RNF217: variants seen among roughly 807,000 people sequenced by gnomAD.
RNF217 encodes the protein ring finger protein 217.
Under a neutral mutation model 57.8 loss-of-function variants are expected in RNF217, and 31 were observed. That is an observed-to-expected ratio of 0.54 (90% CI 0.40 to 0.72). The LOEUF (loss-of-function observed/expected upper bound fraction) is 0.72. Among genes scored for constraint, RNF217 ranks in the 30% least tolerant of loss-of-function variants. The probability of loss-of-function intolerance (pLI) is 0.00; values close to 1 mark genes in which losing one functional copy is unlikely to be tolerated. For synonymous variants in RNF217, 313 were observed against 294.0 expected (o/e 1.06, Z -0.66); for missense variants, 696 against 708.3 (o/e 0.98, Z 0.20).
In RNF217 at chr6:124,995,838, T is replaced by C. The variant is rs551422413; in HGVS notation, c.882+32412T>C. Among the ~76,000 whole-genome samples, 7 of 152,196 alleles carry C rather than the reference T, an allele frequency of 4.6e-5. No individual in the cohort carries two copies. In the East Asian group the frequency reaches 1.4e-3, roughly 29 times the overall value. On this transcript the variant is annotated intron_variant, in intron 1 of 5. Coordinates refer to ENST00000521654, the MANE Select transcript of RNF217 (RefSeq NM_001286398.3). ...TCGGGAAGCTGAGCTAGGAGAATCA[T>C]GTGAACCCAGGAGGTGGAGGTTGCA...
chr6:125,012,724 G>T (rs932007020), intron 1 of RNF217, among the ~76,000 whole-genome samples: 6 of 152,128 alleles, frequency 3.9e-5, no homozygotes, highest in Non-Finnish European at 8.8e-5. Flanking sequence ...CTTTTGTAAT[G>T]TGCAAGTGTC....
chr6:125,011,598 C>A (rs1422557882), intron 1 of RNF217, among the ~76,000 whole-genome samples: 1 of 152,124 alleles, frequency 6.6e-6, no homozygotes, highest in Non-Finnish European at 1.5e-5. Context: ...TGTCTGAAAG[C>A]ATCTACTGAC....
At chr6:125,075,899 C>G (rs495860) in intron 3 of RNF217, among the ~76,000 whole-genome samples, 6,665 of 152,018 alleles carry the variant, frequency 0.044, 488 homozygotes, top group African/African-American at 0.15. Flanking sequence ...GACTACCACA[C>G]TGTATGTTAT....
Position 125,082,591 on chromosome 6 carries a change from G to A in RNF217, c.1556-273G>A, listed in dbSNP as rs374488228. 6 of 1,589,416 alleles carry A rather than the reference G, an allele frequency of 3.8e-6. No individual in the cohort carries two copies. The African/African-American group carries it at 6.8e-5, about 18-fold the overall frequency. The stretch of plus-strand genomic sequence containing the variant: ...GAGTATCATAGTGTGCAAATGATAT[G>A]ACTGTGGACAATAAAGAAGATTTAA... On this transcript the variant is annotated intron_variant, in intron 5 of 5. Coordinates refer to ENST00000521654, the MANE Select transcript of RNF217 (RefSeq NM_001286398.3).
chr6:124,976,461 G>A (rs933903568), intron 1 of RNF217, among the ~76,000 whole-genome samples: 1 of 151,684 alleles, frequency 6.6e-6, no homozygotes, highest in Non-Finnish European at 1.5e-5. Flanking sequence ...GTAGAGATGG[G>A]GTTTCACTAT....
At chr6:125,076,566 A>T in intron 3 of RNF217, 91 bp from the exon 4 acceptor site, 1 of 764,426 alleles carries the variant, frequency 1.3e-6, no homozygotes, top group Non-Finnish European at 2.3e-6. Flanking sequence ...TTTTGGTGAA[A>T]CTGGTAAGTG....
intron 1 of RNF217, among the ~76,000 whole-genome samples, chr6:125,011,053 C>T (rs1488058980): frequency 6.6e-6 from 1 of 152,012 alleles, no homozygotes. Context: ...GGAAAGCAAT[C>T]GTTTTGAAGG....
intron 1 of RNF217, among the ~76,000 whole-genome samples, chr6:124,984,797 C>G (rs2115025036): frequency 6.6e-6 from 1 of 152,138 alleles, no homozygotes; most frequent in African/African-American, 2.4e-5. Flanking sequence ...AGAAATACAA[C>G]TCTGAAAGGA....
At chr6:125,009,437 G>A in intron 1 of RNF217, 2 of 514,646 alleles carry the variant, frequency 3.9e-6, no homozygotes, top group Non-Finnish European at 7.0e-6. Context: ...TCTTTCAGAT[G>A]GTGCCATCTC....
chr6:125,038,969 C>G (rs555641972), intron 1 of RNF217, among the ~76,000 whole-genome samples: 7 of 152,196 alleles, frequency 4.6e-5, no homozygotes, highest in African/African-American at 1.7e-4. Flanking sequence ...AGCTGTTTCT[C>G]CTAATGCTCT....
intron 1 of RNF217, among the ~76,000 whole-genome samples, chr6:124,968,827 G>A (rs779109809): frequency 1.1e-4 from 17 of 152,260 alleles, no homozygotes; most frequent in South Asian, 2.1e-4. Context: ...TTTATTAAGG[G>A]TTTGTGATGG....
In RNF217 at chr6:125,083,158, C is replaced by G. The variant is rs1788641075; in HGVS notation, c.*221C>G. 2.3e-6 allele frequency: 1 copy of G among 429,874 alleles called. No individual in the cohort carries two copies. The highest frequency in any genetic ancestry group is 4.1e-6 in the Non-Finnish European group (1 of 245,280). 26.6% of individuals were successfully genotyped at this position (429,874 alleles called of 1,614,324 possible). A position where few individuals can be genotyped will look rare whatever the true frequency, so the allele number is the denominator to read the frequency against. ...ATTGCTGCTGCTTTTAAAAAATGGT[C>G]ACTTTCATAAACTATAAACATCTAT... On this transcript the variant is annotated 3_prime_UTR_variant, in exon 6 of 6. Transcript: ENST00000521654.
At chr6:125,041,771 C>T (rs1004184567) in intron 1 of RNF217, among the ~76,000 whole-genome samples, 1 of 151,566 alleles carries the variant, frequency 6.6e-6, no homozygotes, top group African/African-American at 2.4e-5. Context: ...TATTCATTTC[C>T]TCCAGTAGAA....
Position 125,021,160 on chromosome 6 carries a change from A to C in RNF217, c.883-24051A>C, listed in dbSNP as rs189993100. ...ATCCCACATTATTTATAATAGCATT[A>C]AGTTGGAGACAGCCTCCATGTGGAG... On this transcript the variant is annotated intron_variant, in intron 1 of 5. Coordinates refer to ENST00000521654, the MANE Select transcript of RNF217 (RefSeq NM_001286398.3). Among the ~76,000 whole-genome samples, 95 of 152,292 alleles carry C rather than the reference A, an allele frequency of 6.2e-4. 1 individual carries two copies. The highest frequency in any genetic ancestry group is 1.9e-3 in the African/African-American group (81 of 41,574).
In RNF217 at chr6:125,088,829, G is replaced by T. The variant is rs1003174129; in HGVS notation, c.*5892G>T. On this transcript the variant is annotated 3_prime_UTR_variant, in exon 6 of 6. Transcript: ENST00000521654. ...TTTTTTCAGTTCTGTGCTATATTCTGTCACTCTATTCCATTATTAATACTA... is the reference window on the plus strand; with the variant it reads ...TTTTTTCAGTTCTGTGCTATATTCTTTCACTCTATTCCATTATTAATACTA... 16 of 152,154 alleles carry T rather than the reference G, an allele frequency of 1.1e-4. No homozygotes were observed. Among genetic ancestry groups the T allele is most frequent in the African/African-American group, 3.9e-4 (16 of 41,304 alleles). The allele number at this position is 152,154 out of a possible 1,614,324, so 9.4% of individuals were successfully genotyped here.
At chr6:125,018,146 C>T (rs1785683859) in intron 1 of RNF217, among the ~76,000 whole-genome samples, 1 of 152,162 alleles carries the variant, frequency 6.6e-6, no homozygotes, top group South Asian at 2.1e-4. Context: ...TCCTTACTTT[C>T]AAATTAGCAT....
intron 2 of RNF217, among the ~76,000 whole-genome samples, chr6:125,052,499 T>A (rs1027385117): frequency 6.6e-5 from 10 of 152,020 alleles, no homozygotes; most frequent in African/African-American, 2.4e-4. Flanking sequence ...GAAGACTGTA[T>A]GTTACTGGCA....
At chr6:125,011,575 A>G (rs1380661374) in intron 1 of RNF217, among the ~76,000 whole-genome samples, 1 of 152,170 alleles carries the variant, frequency 6.6e-6, no homozygotes, top group Non-Finnish European at 1.5e-5. Flanking sequence ...TTGGAAAAAA[A>G]TCACTCGGTT....
At chr6:124,978,797 G>A (rs1784056570) in intron 1 of RNF217, among the ~76,000 whole-genome samples, 2 of 152,144 alleles carry the variant, frequency 1.3e-5, no homozygotes, top group South Asian at 2.1e-4. Flanking sequence ...TGACCAAGAG[G>A]AATAAGGTAC....
Sources: gnomAD v4.1 joint callset for allele counts (sites outside exome capture counted in the v4.1 genomes callset) on GRCh38, gnomAD v4.1.1 for gene constraint, MANE v1.5 for transcripts, NCBI Gene and HGNC (gene_info 2026-07-23, HGNC 2026-07-21) for gene names.